The following TULP4 variants were observed in gnomAD, a reference collection of about 807,000 sequenced individuals.
TULP4 encodes TUB like protein 4, also known as tubby-related protein 4.
Under a neutral mutation model 129.0 loss-of-function variants are expected in TULP4, and 16 were observed. That is an observed-to-expected ratio of 0.12 (90% CI 0.08 to 0.19). TULP4 has a LOEUF of 0.19. Among genes scored for constraint, TULP4 ranks in the 10% least tolerant of loss-of-function variants. The probability of loss-of-function intolerance (pLI) is 1.00; values close to 1 mark genes in which losing one functional copy is unlikely to be tolerated. For synonymous variants in TULP4, 998 were observed against 854.0 expected, an observed-to-expected ratio of 1.17 and a Z score of -2.94; for missense variants, 1,842 against 2,059.1, an observed-to-expected ratio of 0.89 and a Z score of 2.04.
rs1562584024 is a variant in TULP4 at position 158,479,932 on chromosome 6, G to A, written c.1208G>A (p.Arg403His). Residue 403 changes from arginine (R) to histidine (H), a missense_variant, in exon 7 of 14, where the codon CGC becomes CAC. Physicochemically the swap from Arg to His is conservative, Grantham distance 29. Around this residue, in one of 5 missense-constraint regions of TULP4, gnomAD observed 456 missense variants for 534.3 expected, o/e 0.85. Transcript: ENST00000367097. ...GTCAGCAAGCTGACTCTGCCCCCCC[G>A]CCTCTGCTCCTACCTCTCCACTGCC... ...KDVSKLTLPP[R>H]LCSYLSTAFI... The A allele has an allele frequency of 1.9e-6, 3 of 1,610,584 alleles. No individual in the cohort carries two copies. Among genetic ancestry groups the A allele is most frequent in the Non-Finnish European group, 2.5e-6 (3 of 1,179,904 alleles).
At chr6:158,281,867 T>C (rs1002232113), upstream of TULP4, among the ~76,000 whole-genome samples, 1 of 152,196 alleles carries the variant, frequency 6.6e-6, no homozygotes, top group Non-Finnish European at 1.5e-5. Flanking sequence ...TAGTGCTTCA[T>C]TGGTGACTTT....
intron 1 of TULP4, among the ~76,000 whole-genome samples, chr6:158,287,257 G>A (rs1040813852): frequency 2.0e-5 from 3 of 152,162 alleles, no homozygotes; most frequent in African/African-American, 7.2e-5. Context: ...ACATATGCAT[G>A]TGTAGTGTTT....
intron 1 of TULP4, among the ~76,000 whole-genome samples, chr6:158,241,429 C>T (rs1437619648): frequency 2.7e-5 from 4 of 148,088 alleles, no homozygotes; most frequent in African/African-American, 4.9e-5. Context: ...GCTGAGATCA[C>T]GCCACTGCAC....
chr6:158,463,012 C>A (rs184202402), intron 6 of TULP4, among the ~76,000 whole-genome samples: 10 of 152,236 alleles, frequency 6.6e-5, no homozygotes, highest in Admixed American at 1.3e-4. Context: ...CCTCAGCCTC[C>A]CAAAGTGCTG....
At chr6:158,472,787 T>C (rs1779720700) in intron 6 of TULP4, among the ~76,000 whole-genome samples, 1 of 152,248 alleles carries the variant, frequency 6.6e-6, no homozygotes, top group Non-Finnish European at 1.5e-5. Context: ...ATTCTCCTGA[T>C]TTACTTGTAA....
chr6:158,506,432 C>T (rs893633945), intron 13 of TULP4, 146 bp from the exon 14 acceptor site: 11 of 659,278 alleles, frequency 1.7e-5, no homozygotes, highest in East Asian at 5.7e-5. Flanking sequence ...GGGGTTTCAC[C>T]GTGTTAGCCA....
At chr6:158,277,630 C>T (rs1004579829), upstream of TULP4, among the ~76,000 whole-genome samples, 11 of 152,214 alleles carry the variant, frequency 7.2e-5, no homozygotes, top group East Asian at 1.4e-3. Context: ...CAGTGTGGCT[C>T]GTGTAGGTAG....
upstream of TULP4, chr6:158,312,231 T>C (rs950182975): frequency 2.5e-6 from 1 of 397,740 alleles, no homozygotes; most frequent in African/African-American, 2.1e-5. Flanking sequence ...CTTGAGAGTT[T>C]TACAACTGAT....
chr6:158,240,844 G>A (rs547316797), intron 1 of TULP4, among the ~76,000 whole-genome samples: 1 of 150,632 alleles, frequency 6.6e-6, no homozygotes, highest in Non-Finnish European at 1.5e-5. Flanking sequence ...TGGGCGGGGG[G>A]GCTGACCCCC....
intron 1 of TULP4, among the ~76,000 whole-genome samples, chr6:158,234,933 G>A (rs1005827122): frequency 1.3e-5 from 2 of 152,170 alleles, no homozygotes; most frequent in Non-Finnish European, 2.9e-5. Flanking sequence ...TTGGGAGGCT[G>A]GGGCAGATGG....
chr6:158,259,655 C>T lies in TULP4; in HGVS notation n.68+27352C>T, dbSNP rs557077110. Among the ~76,000 whole-genome samples, 235 of 152,320 alleles carry T rather than the reference C, an allele frequency of 1.5e-3. 3 individuals carry two copies. The highest frequency in any genetic ancestry group is 5.1e-3 in the African/African-American group (212 of 41,560). On this transcript the variant is annotated intron_variant and non_coding_transcript_variant, in intron 1 of 1. Transcript: ENST00000620026. ...TCAACTCGGTTCTGACACCAACCAC[C>T]TGAACTGAATGTCAGACATGAGTTC... is the stretch of plus-strand genomic sequence containing the variant.
intron 1 of TULP4, among the ~76,000 whole-genome samples, chr6:158,363,318 A>G (rs1780844220): frequency 6.6e-6 from 1 of 152,212 alleles, no homozygotes; most frequent in Non-Finnish European, 1.5e-5. Context: ...CATATCACAG[A>G]TCGCAGCAAG....
intron 1 of TULP4, among the ~76,000 whole-genome samples, chr6:158,270,263 CTCTT>C (rs1354721061): frequency 2.6e-5 from 4 of 152,126 alleles, no homozygotes; most frequent in Non-Finnish European, 4.4e-5. Context: ...ACTTGGAGCT[CTCTT>C]TCTTTGTTTT....
chr6:158,315,098 A>T (rs1172150355), intron 1 of TULP4, among the ~76,000 whole-genome samples: 1 of 152,214 alleles, frequency 6.6e-6, no homozygotes, highest in African/African-American at 2.4e-5. Context: ...CAGGCATCTT[A>T]AAAATGTCAT....
intron 1 of TULP4, among the ~76,000 whole-genome samples, chr6:158,390,176 G>A (rs1242618763): frequency 1.3e-5 from 2 of 151,972 alleles, no homozygotes; most frequent in Admixed American, 1.3e-4. Flanking sequence ...AGTATCCAAA[G>A]AATCAACCAT....
rs1169601263 is a variant in TULP4 at position 158,332,169 on chromosome 6, CAAAAAAAAAAAAAAAAA to C, written c.252+17917_252+17933del. On this transcript the variant is annotated intron_variant, in intron 1 of 13. Transcript: ENST00000367097. ...CCTGGTCGACAGAGTAAGACTCTGT[CAAAAAAAAAAAAAAAAA>C]AAAAAAAAAAAAAAATATATATATA... is the stretch of plus-strand genomic sequence containing the variant. 1.8e-3 allele frequency among the ~76,000 whole-genome samples: 118 copies of C among 65,282 alleles called. 1 individual carries two copies. The highest frequency in any genetic ancestry group is 4.5e-3 in the East Asian group (12 of 2,662). The allele number at this position is 65,282 out of a possible 152,430, so 42.8% of individuals were successfully genotyped here.
intron 2 of TULP4, among the ~76,000 whole-genome samples, chr6:158,425,885 C>T (rs1386521522): frequency 6.6e-5 from 10 of 152,172 alleles, no homozygotes; most frequent in Non-Finnish European, 1.2e-4. Flanking sequence ...TGAGCCACCT[C>T]GCCCTGCCCT....
Position 158,511,138 on chromosome 6 carries a change from T to TTA in TULP4, c.*4445_*4446dup, listed in dbSNP as rs1780731307. On this transcript the variant is annotated 3_prime_UTR_variant, in exon 14 of 14. Transcript: ENST00000367097. The stretch of plus-strand genomic sequence containing the variant: ...GGCTTTGTGCAATTTTTGTGTAACT[T>TTA]TACTTGTACCTATATTTTCTGTTTA... 6.6e-6 allele frequency: 1 copy of TTA among 152,646 alleles called. No individual in the cohort carries two copies. The highest frequency in any genetic ancestry group is 1.5e-5 in the Non-Finnish European group (1 of 68,040). The allele number at this position is 152,646 out of a possible 1,614,324, so 9.5% of individuals were successfully genotyped here.
chr6:158,436,715 C>G (rs1019947436), intron 3 of TULP4, among the ~76,000 whole-genome samples: 2 of 152,158 alleles, frequency 1.3e-5, no homozygotes, highest in African/African-American at 4.8e-5. Flanking sequence ...CTTAGACGCT[C>G]TTAAAGCACG....
Sources: allele counts gnomAD v4.1 joint callset (sites outside exome capture counted in the v4.1 genomes callset), GRCh38; gene constraint gnomAD v4.1.1; regional missense constraint gnomAD v4.1.1; transcripts MANE v1.5; gene names NCBI Gene and HGNC (gene_info 2026-07-23, HGNC 2026-07-21).